The following ZNF362 variants were observed in gnomAD, a reference collection of about 807,000 sequenced individuals.
ZNF362 encodes the protein rotund homolog.
In ZNF362, 11 loss-of-function variants were observed where a neutral mutation model predicts 42.9. The ratio of observed to expected loss-of-function variants is 0.26; its 90% CI spans 0.16 to 0.42. The LOEUF is 0.42. Ranked by LOEUF, ZNF362 falls within the 20% of genes least tolerant of loss-of-function variation. The pLI is 1.00. For synonymous variants in ZNF362, 255 were observed against 257.3 expected (o/e 0.99, Z 0.09); for missense variants, 362 against 576.2 (o/e 0.63, Z 3.81).
the ZNF362 span, among the ~76,000 whole-genome samples, chr1:33,201,610 T>C: frequency 1.3e-5 from 2 of 152,262 alleles, no homozygotes; most frequent in South Asian, 2.1e-4. Flanking sequence ...GTAATACACA[T>C]ATTAAAATTT....
the ZNF362 span, among the ~76,000 whole-genome samples, chr1:33,134,194 C>A: frequency 6.6e-6 from 1 of 152,202 alleles, no homozygotes; most frequent in Non-Finnish European, 1.5e-5. Context: ...GGCAGTCCCT[C>A]AATAAATTTT....
the ZNF362 span, among the ~76,000 whole-genome samples, chr1:33,172,418 A>G: frequency 6.6e-6 from 1 of 152,076 alleles, no homozygotes; most frequent in East Asian, 1.9e-4. Context: ...GGCTGCAGCC[A>G]GGCATGTGAC....
chr1:33,243,648 G>T, the ZNF362 span, among the ~76,000 whole-genome samples: 53 of 149,838 alleles, frequency 3.5e-4, no homozygotes, highest in African/African-American at 1.3e-3. Flanking sequence ...CCAGGCTGGC[G>T]TGCAGTGGTG....
chr1:33,193,962 A>G, the ZNF362 span, among the ~76,000 whole-genome samples: 1 of 152,228 alleles, frequency 6.6e-6, no homozygotes, highest in Non-Finnish European at 1.5e-5. Flanking sequence ...GCATACGCCA[A>G]AAATTAGGAT....
At chr1:33,183,638 TC>T in the ZNF362 span, among the ~76,000 whole-genome samples, 3 of 152,326 alleles carry the variant, frequency 2.0e-5, no homozygotes, top group Non-Finnish European at 4.4e-5. Flanking sequence ...TTTGGGCAGG[TC>T]CAGCCTGAAA....
upstream of ZNF362, among the ~76,000 whole-genome samples, chr1:33,253,731 AATG>A (rs1235762483): frequency 6.6e-6 from 1 of 152,148 alleles, no homozygotes; most frequent in African/African-American, 2.4e-5. Flanking sequence ...TGATGATGAT[AATG>A]ATGATATTGA....
rs1178400458 is a variant in ZNF362, at chr1:33,299,302, CT to C, written c.*261del. 3 of 255,108 alleles carry C rather than the reference CT, an allele frequency of 1.2e-5. No homozygotes were observed. In the East Asian group the frequency reaches 1.8e-4, roughly 15 times the overall value. 15.8% of individuals were successfully genotyped at this position (255,108 alleles called of 1,614,324 possible). A position where few individuals can be genotyped will look rare whatever the true frequency, so the allele number is the denominator to read the frequency against. On this transcript the variant is annotated 3_prime_UTR_variant, in exon 9 of 9. Transcript: ENST00000539719. ...ACTTTGAACCTCTCTGTTGAGTTTT[CT>C]TTTTGTTCCCCACCCTTCACTTGCT... is the stretch of plus-strand genomic sequence containing the variant.
the ZNF362 span, chr1:33,181,073 G>C: frequency 1.2e-6 from 2 of 1,600,160 alleles, no homozygotes; most frequent in East Asian, 2.2e-5. The surrounding 1 kb of genome is among the most constrained non-coding windows in gnomAD (Gnocchi z 6.5). Flanking sequence ...GATGCTGCTC[G>C]TGCAGTGCAG....
At chr1:33,257,230 G>T (rs1645799089) in intron 1 of ZNF362, among the ~76,000 whole-genome samples, 1 of 152,014 alleles carries the variant, frequency 6.6e-6, no homozygotes, top group Non-Finnish European at 1.5e-5. Flanking sequence ...GAAGCAGAGG[G>T]GGCACCCGAA....
chr1:33,289,744 C>T (rs1368987723), intron 6 of ZNF362, among the ~76,000 whole-genome samples: 1 of 152,200 alleles, frequency 6.6e-6, no homozygotes, highest in Non-Finnish European at 1.5e-5. Flanking sequence ...GTGCTGAGCC[C>T]ATGCCAGGCG....
intron 1 of ZNF362, among the ~76,000 whole-genome samples, chr1:33,264,270 G>T (rs1645849180): frequency 6.6e-6 from 1 of 152,044 alleles, no homozygotes; most frequent in South Asian, 2.1e-4. Context: ...GGTCCCTGTG[G>T]GTCCTGAAGG....
At chr1:33,196,226 A>C in the ZNF362 span, 1 of 152,184 alleles carries the variant, frequency 6.6e-6, no homozygotes, top group South Asian at 2.1e-4. Flanking sequence ...CTAAAAATAC[A>C]AAAATTAGCC....
chr1:33,269,914 C>T (rs1173143318), intron 1 of ZNF362, among the ~76,000 whole-genome samples: 1 of 152,188 alleles, frequency 6.6e-6, no homozygotes, highest in Non-Finnish European at 1.5e-5. Context: ...TCAGTACCCC[C>T]TCCCTCAGTT....
chr1:33,165,515 T>A, the ZNF362 span: 1 of 1,610,818 alleles, frequency 6.2e-7, no homozygotes, highest in Non-Finnish European at 8.5e-7. This position sits in a 1 kb window ranked among gnomAD's most constrained non-coding sequence, Gnocchi z 4.0. Context: ...AGCGCTTCGG[T>A]GTGTTCCCGC....
rs1645979398 is a variant in ZNF362, at chr1:33,279,980, A to C, written c.350-144A>C. On this transcript the variant is annotated intron_variant, in intron 4 of 8. Transcript: ENST00000539719. ...GGTGTCTAAGGCATCTTACACATGC[A>C]CAAGGTCTCATTTAGTTACCCCTGG... 6.6e-6 allele frequency: 6 copies of C among 910,652 alleles called. 1 individual carries two copies. The highest frequency in any genetic ancestry group is 9.3e-6 in the Non-Finnish European group (6 of 643,478). 56.4% of individuals were successfully genotyped at this position (910,652 alleles called of 1,614,324 possible).
intron 3 of ZNF362, 22 bp from the exon 4 acceptor site, chr1:33,276,326 G>T: frequency 1.3e-6 from 2 of 1,544,632 alleles, no homozygotes; most frequent in South Asian, 2.4e-5. Context: ...GACCTCCTCA[G>T]CCCGTCCTCT....
chr1:33,276,147 C>T lies in ZNF362; in HGVS notation c.86C>T (p.Pro29Leu). 1 of 1,613,846 alleles carries T rather than the reference C, an allele frequency of 6.2e-7. No homozygotes were observed. Among genetic ancestry groups the T allele is most frequent in the Non-Finnish European group, 8.5e-7 (1 of 1,180,016 alleles). ...FNNPYFWPPPPTMPSQLDNLV... is the reference protein window; with the variant it reads ...FNNPYFWPPPLTMPSQLDNLV... The stretch of plus-strand genomic sequence containing the variant: ...AACCCCTACTTCTGGCCCCCTCCTC[C>T]CACCATGCCCAGCCAGGTAAGACTG... Residue 29 changes from proline (P) to leucine (L), a missense_variant, in exon 3 of 9, where the codon CCC becomes CTC. Coordinates refer to ENST00000539719, the MANE Select transcript of ZNF362 (RefSeq NM_152493.3).
chr1:33,216,061 C>G, the ZNF362 span, among the ~76,000 whole-genome samples: 1 of 147,574 alleles, frequency 6.8e-6, no homozygotes, highest in Non-Finnish European at 1.5e-5. Context: ...ACTCTAAGAC[C>G]AGTGCTGTAC....
At chr1:33,158,829 G>GT in the ZNF362 span, among the ~76,000 whole-genome samples, 1 of 151,444 alleles carries the variant, frequency 6.6e-6, no homozygotes, top group East Asian at 1.9e-4. Context: ...CAGAGCCTCA[G>GT]TTTTTTTCTT....
Sources: allele counts gnomAD v4.1 joint callset (sites outside exome capture counted in the v4.1 genomes callset), GRCh38; gene constraint gnomAD v4.1.1; non-coding constraint Gnocchi (gnomAD v3.1); transcripts MANE v1.5; gene names NCBI Gene and HGNC (gene_info 2026-07-23, HGNC 2026-07-21).